The following SPTBN2 variants were observed in gnomAD, a reference collection of about 807,000 sequenced individuals.
SPTBN2 encodes spectrin beta, non-erythrocytic 2.
In SPTBN2, 107 loss-of-function variants were observed where a neutral mutation model predicts 284.2. That is an observed-to-expected ratio of 0.38 (90% confidence interval 0.32 to 0.44). The LOEUF is 0.44. Among genes scored for constraint, SPTBN2 ranks in the 20% least tolerant of loss-of-function variants. The pLI, the probability that SPTBN2 is intolerant of heterozygous loss-of-function variation, is 1.00. For missense variants in SPTBN2, 2,569 were observed against 3,287.1 expected (o/e 0.78, Z 5.34); for synonymous variants, 1,289 against 1,354.8 (o/e 0.95, Z 1.07).
At chr11:66,694,030 A>G in intron 22 of SPTBN2, 109 bp downstream of exon 22, 1 of 1,436,612 alleles carries the variant, frequency 7.0e-7, no homozygotes, top group South Asian at 1.2e-5. Flanking sequence ...GGTCAATGCC[A>G]AAGAGAAGAG....
At chr11:66,719,135 CAA>C (rs1942278926) in intron 3 of SPTBN2, among the ~76,000 whole-genome samples, 1 of 152,244 alleles carries the variant, frequency 6.6e-6, no homozygotes, top group Non-Finnish European at 1.5e-5. Context: ...CAGAAACAGA[CAA>C]AGAGAAATCT....
At chr11:66,689,068 A>T (rs781644117) in intron 30 of SPTBN2, 28 bp downstream of exon 30, 1 of 1,589,676 alleles carries the variant, frequency 6.3e-7, no homozygotes, top group African/African-American at 1.3e-5. Context: ...CACTCCCCAC[A>T]GGGCCTGGGG....
upstream of SPTBN2, among the ~76,000 whole-genome samples, chr11:66,733,285 G>A: frequency 1.3e-5 from 2 of 152,202 alleles, no homozygotes; most frequent in East Asian, 3.8e-4. Flanking sequence ...AGATGTGTGA[G>A]AAACCAGTTA....
chr11:66,704,869 G>C lies in SPTBN2; in HGVS notation c.2407C>G (p.Leu803Val), dbSNP rs776189963. The change falls in exon 15 of 38, where the codon CTG (leucine) becomes GTG (valine). Residue 803 changes from leucine (L) to valine (V), a missense_variant. Physicochemically the swap from Leu to Val is conservative, Grantham distance 32. This residue lies in a region of SPTBN2 where 1,012 missense variants were observed against 1,248.9 expected (regional missense o/e 0.81). Coordinates refer to ENST00000533211, the MANE Select transcript of SPTBN2 (RefSeq NM_006946.4). ...GCTGCCTGTTCCCTCAAGGCGTCCA[G>C]GGTTGGCCGGTGGCTTCGAATCTCC... Reference protein sequence around the residue: ...EEEIRSHRPTLDALREQAAAL... With the variant: ...EEEIRSHRPTVDALREQAAAL... 9.9e-6 allele frequency: 16 copies of C among 1,610,592 alleles called. No homozygotes were observed. Among genetic ancestry groups the C allele is most frequent in the Non-Finnish European group, 1.4e-5 (16 of 1,179,878 alleles).
At chr11:66,706,896 A>T (rs751387311) in intron 13 of SPTBN2, among the ~76,000 whole-genome samples, 16 of 152,182 alleles carry the variant, frequency 1.1e-4, no homozygotes, top group Non-Finnish European at 1.9e-4. Context: ...CCTCCCAAAG[A>T]GCTGGGATTA....
chr11:66,736,718 G>A (rs1028923813), intron 1 of SPTBN2, among the ~76,000 whole-genome samples: 1 of 152,206 alleles, frequency 6.6e-6, no homozygotes, highest in African/African-American at 2.4e-5. Context: ...GGGTTCCTCA[G>A]TTGAATTGCA....
At position 66,693,266 on chromosome 11, in the gene SPTBN2, G is replaced by A; in HGVS notation, c.4774C>T (p.Gln1592Ter). The change falls in exon 24 of 38, where the codon CAG (glutamine) becomes TAG (stop). Residue 1592 changes from glutamine (Q) to a stop codon, truncating the protein, a stop_gained. Coordinates refer to ENST00000533211, the MANE Select transcript of SPTBN2 (RefSeq NM_006946.4). LOFTEE classifies it high-confidence loss of function. The surrounding 1 kb of genome is among the most constrained non-coding windows in gnomAD (Gnocchi z 5.7). ...KRLEDALRAQ[Q>*]FYRDAAEAEA... ...GCCTCGGCGGCATCGCGGTAGAACT[G>A]CTGGGCTCGCAGGGCATCCTCCAGT... 1.2e-6 allele frequency: 2 copies of A among 1,614,008 alleles called. No individual in the cohort carries two copies. Among genetic ancestry groups the A allele is most frequent in the Non-Finnish European group, 1.7e-6 (2 of 1,180,030 alleles).
In SPTBN2 at chr11:66,687,378, G is replaced by A; in HGVS notation, c.6722+49C>T. 1 of 1,594,384 alleles carries A rather than the reference G, an allele frequency of 6.3e-7. No homozygotes were observed. The highest frequency in any genetic ancestry group is 1.1e-5 in the South Asian group (1 of 90,908). On this transcript the variant is annotated intron_variant, in intron 35 of 37. Coordinates refer to ENST00000533211, the MANE Select transcript of SPTBN2 (RefSeq NM_006946.4). This position sits in a 1 kb window ranked among gnomAD's most constrained non-coding sequence, Gnocchi z 5.2. The stretch of plus-strand genomic sequence containing the variant: ...GGGCATCCCTCCCTCTATCTGGGCA[G>A]AGGCTCTGGGGAAGTGCCCTCTGAG...
At chr11:66,733,786 G>A (rs570991437), upstream of SPTBN2, among the ~76,000 whole-genome samples, 3 of 152,200 alleles carry the variant, frequency 2.0e-5, no homozygotes, top group East Asian at 5.8e-4. Context: ...TATTGCACCT[G>A]GCTAACAAGG....
chr11:66,742,817 C>G (rs1942905056), intron 1 of SPTBN2, among the ~76,000 whole-genome samples: 1 of 152,090 alleles, frequency 6.6e-6, no homozygotes, highest in Admixed American at 6.6e-5. Flanking sequence ...ACCATGTTGG[C>G]TGGGCTGGTC....
rs1939874217 is a variant in SPTBN2 at position 66,682,852 on chromosome 11, T to C, written c.*3019A>G. 6.6e-6 allele frequency among the ~76,000 whole-genome samples: 1 copy of C among 152,018 alleles called. No individual in the cohort carries two copies. The highest frequency in any genetic ancestry group is 2.4e-5 in the African/African-American group (1 of 41,380). ...ATCTCGGCTCACTGTAACCTCTGCT[T>C]CCCAGGTTCAAGCAATGCTCCTGCC... On this transcript the variant is annotated 3_prime_UTR_variant, in exon 38 of 38. Transcript: ENST00000533211.
In SPTBN2 at chr11:66,700,405, G is replaced by A. The variant is rs1349499941; in HGVS notation, c.3573+121C>T. ...CTCCCAAAGTGCTGGAATTTCAGGT[G>A]TGAACCACTGCGCTGCCCCATTTTG... is the stretch of plus-strand genomic sequence containing the variant. On this transcript the variant is annotated intron_variant, in intron 17 of 37. Transcript: ENST00000533211. This position sits in a 1 kb window ranked among gnomAD's most constrained non-coding sequence, Gnocchi z 6.6. The A allele has an allele frequency of 3.5e-6, 5 of 1,409,518 alleles. No individual in the cohort carries two copies. Among genetic ancestry groups the A allele is most frequent in the Non-Finnish European group, 4.9e-6 (5 of 1,021,584 alleles). The allele number at this position is 1,409,518 out of a possible 1,614,324, so 87.3% of individuals were successfully genotyped here. A position where few individuals can be genotyped will look rare whatever the true frequency, so the allele number is the denominator to read the frequency against.
chr11:66,721,538 G>A (rs549054981), intron 1 of SPTBN2, 98 bp from the exon 2 acceptor site: 58 of 464,552 alleles, frequency 1.2e-4, no homozygotes, highest in Non-Finnish European at 2.1e-4. Context: ...AACGACTTCG[G>A]GCCAGAGAGG....
At position 66,694,383 on chromosome 11, in the gene SPTBN2, A is replaced by G; in HGVS notation, c.4279-20T>C. ...CAGCATCTGCAAACCGCCAGGAGGA[A>G]GGACATGTTAGCTCTGCATTTCCGC... On this transcript the variant is annotated intron_variant, in intron 21 of 37. Coordinates refer to ENST00000533211, the MANE Select transcript of SPTBN2 (RefSeq NM_006946.4). The G allele has an allele frequency of 6.2e-7, 1 of 1,612,140 alleles. No individual in the cohort carries two copies. The highest frequency in any genetic ancestry group is 1.7e-4 in the Middle Eastern group (1 of 6,058).
chr11:66,736,084 A>C (rs1942849883), intron 1 of SPTBN2, among the ~76,000 whole-genome samples: 1 of 152,184 alleles, frequency 6.6e-6, no homozygotes, highest in Non-Finnish European at 1.5e-5. Context: ...TTCGAAAGCA[A>C]AAGTCTGCAA....
chr11:66,691,693 G>A lies in SPTBN2; in HGVS notation c.5191-35C>T, dbSNP rs911515602. The A allele has an allele frequency of 4.3e-6, 7 of 1,611,872 alleles. No homozygotes were observed. The highest frequency in any genetic ancestry group is 5.9e-6 in the Non-Finnish European group (7 of 1,180,000). On this transcript the variant is annotated intron_variant, in intron 26 of 37. Transcript: ENST00000533211. This position sits in a 1 kb window ranked among gnomAD's most constrained non-coding sequence, Gnocchi z 8.0. The stretch of plus-strand genomic sequence containing the variant: ...GAAGCAGATGGACAGACCATGCCGT[G>A]ATGTTAGGGGATGTGGTCCCTGCCT...
rs116441572 is a variant in SPTBN2, at chr11:66,701,562, G to A, written c.2816+22C>T. On this transcript the variant is annotated intron_variant, in intron 16 of 37. Coordinates refer to ENST00000533211, the MANE Select transcript of SPTBN2 (RefSeq NM_006946.4). Reference sequence around the variant, plus strand: ...TGCTTCATTTTTCTGTCAGTTTCCTGGTCCTGCCCTCCCAAACCCACCTGT... The same window carrying A: ...TGCTTCATTTTTCTGTCAGTTTCCTAGTCCTGCCCTCCCAAACCCACCTGT... The A allele has an allele frequency of 1.2e-3, 1,954 of 1,613,854 alleles. 25 individuals are homozygous for A. In the African/African-American group the frequency reaches 0.02, roughly 16 times the overall value.
intron 8 of SPTBN2, among the ~76,000 whole-genome samples, chr11:66,711,421 C>T (rs535196322): frequency 1.3e-4 from 20 of 152,270 alleles, no homozygotes; most frequent in African/African-American, 4.1e-4. Flanking sequence ...GGCAGTGGGA[C>T]GGAAGGTATG....
At position 66,688,665 on chromosome 11, in the gene SPTBN2, C is replaced by T. The variant is rs1422924149; in HGVS notation, c.6219G>A (p.Glu2073=). 1 of 1,613,978 alleles carries T rather than the reference C, an allele frequency of 6.2e-7. No individual in the cohort carries two copies. The highest frequency in any genetic ancestry group is 1.7e-5 in the Admixed American group (1 of 60,024). ...VAWEERFCAL[E]KLTALEEREK... ...CTGTGTCCCTCACCGCAGTAAGCTT[C>T]TCCAGCGCACAGAATCGCTCCTCCC... The change falls in exon 31 of 38, where the codon GAG becomes GAA. Residue 2073 remains glutamate, a synonymous_variant. Transcript: ENST00000533211.
Sources: gnomAD v4.1 joint callset for allele counts (sites outside exome capture counted in the v4.1 genomes callset) on GRCh38, gnomAD v4.1.1 for gene constraint, gnomAD v4.1.1 regional missense constraint, Gnocchi (gnomAD v3.1) non-coding constraint, MANE v1.5 for transcripts, NCBI Gene and HGNC (gene_info 2026-07-23, HGNC 2026-07-21) for gene names.